The following KCNIP4 variants were observed in gnomAD, a reference collection of about 807,000 sequenced individuals.
The protein encoded by KCNIP4 is potassium voltage-gated channel interacting protein 4.
In KCNIP4, 12 loss-of-function variants were observed where a neutral mutation model predicts 34.0. The observed-to-expected ratio is 0.35, with a 90% CI of 0.23 to 0.57. The LOEUF (loss-of-function observed/expected upper bound fraction) is 0.57. Among genes scored for constraint, KCNIP4 ranks in the 20% least tolerant of loss-of-function variants. KCNIP4 has a pLI of 0.83. For synonymous variants in KCNIP4, 124 were observed against 102.2 expected (o/e 1.21, Z -1.29); for missense variants, 238 against 311.7 (o/e 0.76, Z 1.78).
intron 1 of KCNIP4, among the ~76,000 whole-genome samples, chr4:21,026,934 C>A (rs184607651): frequency 6.9e-4 from 105 of 152,254 alleles, no homozygotes; most frequent in African/African-American, 2.5e-3. Context: ...TTGGATGATG[C>A]AAACCTATGG....
intron 3 of KCNIP4, among the ~76,000 whole-genome samples, chr4:20,815,816 A>G (rs1009487498): frequency 6.6e-6 from 1 of 152,216 alleles, no homozygotes; most frequent in African/African-American, 2.4e-5. Context: ...TCAGCTAGTC[A>G]TCATTTTCTA....
chr4:20,943,644 T>A (rs1731890189), intron 1 of KCNIP4, among the ~76,000 whole-genome samples: 1 of 152,182 alleles, frequency 6.6e-6, no homozygotes, highest in South Asian at 2.1e-4. Context: ...GAATCATGAA[T>A]GGCTGTACAA....
At chr4:21,698,099 A>C (rs1333253629) in intron 1 of KCNIP4, among the ~76,000 whole-genome samples, 1 of 152,146 alleles carries the variant, frequency 6.6e-6, no homozygotes, top group African/African-American at 2.4e-5. Flanking sequence ...TGAGAAGCTG[A>C]CCCTGATTCT....
chr4:21,300,701 C>T (rs1237209793), intron 1 of KCNIP4, among the ~76,000 whole-genome samples: 1 of 152,026 alleles, frequency 6.6e-6, no homozygotes, highest in Non-Finnish European at 1.5e-5. Context: ...GAATATTTCC[C>T]TGAGGTATGA....
intron 1 of KCNIP4, among the ~76,000 whole-genome samples, chr4:21,184,643 C>A (rs2109331909): frequency 6.6e-6 from 1 of 152,260 alleles, no homozygotes; most frequent in East Asian, 1.9e-4. Context: ...CTGCCATGAT[C>A]ATTTGTTCTG....
At chr4:21,613,986 A>T (rs1040377298) in intron 1 of KCNIP4, among the ~76,000 whole-genome samples, 1 of 150,208 alleles carries the variant, frequency 6.7e-6, no homozygotes, top group Non-Finnish European at 1.5e-5. Flanking sequence ...TACTAAAAAT[A>T]CAAAAAAAAA....
chr4:21,773,269 T>C (rs1454269894), intron 1 of KCNIP4, among the ~76,000 whole-genome samples: 1 of 152,214 alleles, frequency 6.6e-6, no homozygotes, highest in Non-Finnish European at 1.5e-5. Flanking sequence ...AATTGCACTG[T>C]GGTCTGAGAG....
At chr4:21,000,946 C>A (rs1738075571) in intron 1 of KCNIP4, among the ~76,000 whole-genome samples, 1 of 152,168 alleles carries the variant, frequency 6.6e-6, no homozygotes, top group Admixed American at 6.5e-5. Flanking sequence ...TCACCTCTTC[C>A]AAACCCTTTT....
chr4:21,103,018 T>A (rs975656567), intron 1 of KCNIP4, among the ~76,000 whole-genome samples: 6 of 152,130 alleles, frequency 3.9e-5, no homozygotes, highest in Non-Finnish European at 7.4e-5. Flanking sequence ...TTGTTATATA[T>A]AAACTCACTT....
chr4:21,116,715 G>T (rs1252050844), intron 1 of KCNIP4, among the ~76,000 whole-genome samples: 1 of 152,150 alleles, frequency 6.6e-6, no homozygotes, highest in Non-Finnish European at 1.5e-5. Flanking sequence ...CAGATTATTT[G>T]CAGGCCATAA....
chr4:20,960,769 A>T (rs1433311209), intron 1 of KCNIP4, among the ~76,000 whole-genome samples: 1 of 152,212 alleles, frequency 6.6e-6, no homozygotes, highest in Non-Finnish European at 1.5e-5. Context: ...CAACAACTAA[A>T]TGGATGTTAA....
intron 1 of KCNIP4, among the ~76,000 whole-genome samples, chr4:21,474,134 A>T (rs1016191684): frequency 6.6e-6 from 1 of 152,174 alleles, no homozygotes; most frequent in African/African-American, 2.4e-5. Flanking sequence ...TTTCAGACAA[A>T]TGGCAGAATC....
At chr4:21,914,007 T>G (rs909835242) in intron 1 of KCNIP4, among the ~76,000 whole-genome samples, 4 of 152,014 alleles carry the variant, frequency 2.6e-5, no homozygotes, top group African/African-American at 9.7e-5. Context: ...AAAGTTTCAG[T>G]GTAGAGAGCC....
At chr4:21,145,499 C>G (rs1359717495) in intron 1 of KCNIP4, among the ~76,000 whole-genome samples, 4 of 152,212 alleles carry the variant, frequency 2.6e-5, no homozygotes. Flanking sequence ...AACCACTGCT[C>G]TAGCTCAACT....
intron 1 of KCNIP4, among the ~76,000 whole-genome samples, chr4:21,603,640 T>C (rs1743394897): frequency 6.6e-6 from 1 of 152,148 alleles, no homozygotes; most frequent in East Asian, 1.9e-4. Context: ...GGAAAGGCAA[T>C]TGCCTGAGTG....
At chr4:21,780,711 G>A (rs6448080) in intron 1 of KCNIP4, among the ~76,000 whole-genome samples, 97,210 of 151,750 alleles carry the variant, frequency 0.64, 32,244 homozygotes, top group Non-Finnish European at 0.73. Flanking sequence ...CAATCAACCT[G>A]TGTTCATTTT....
chr4:21,470,891 T>C (rs1166117112), intron 1 of KCNIP4, among the ~76,000 whole-genome samples: 1 of 152,146 alleles, frequency 6.6e-6, no homozygotes, highest in Non-Finnish European at 1.5e-5. Context: ...CAGCTCTGCA[T>C]CAGCAGTTAG....
intron 1 of KCNIP4, among the ~76,000 whole-genome samples, chr4:21,186,798 C>T (rs965733018): frequency 1.3e-5 from 2 of 152,238 alleles, no homozygotes; most frequent in East Asian, 1.9e-4. Flanking sequence ...GCATATGCCA[C>T]CATGTCCAGT....
At chr4:21,181,565 C>T (rs1200935344) in intron 1 of KCNIP4, among the ~76,000 whole-genome samples, 1 of 152,090 alleles carries the variant, frequency 6.6e-6, no homozygotes, top group Non-Finnish European at 1.5e-5. Context: ...TGAAAGGGGT[C>T]ATGGTTGATA....
Sources: allele counts gnomAD v4.1 joint callset (sites outside exome capture counted in the v4.1 genomes callset), GRCh38; gene constraint gnomAD v4.1.1; transcripts MANE v1.5; gene names NCBI Gene and HGNC (gene_info 2026-07-23, HGNC 2026-07-21).